The following TENM3 variants were observed in gnomAD, a reference collection of about 807,000 sequenced individuals.
The protein encoded by TENM3 is teneurin-3.
Under a neutral mutation model 255.1 loss-of-function variants are expected in TENM3, and 63 were observed. The observed-to-expected ratio is 0.25, with a 90% CI of 0.20 to 0.30. TENM3 has a LOEUF of 0.30. Ranked by LOEUF, TENM3 falls within the 10% of genes least tolerant of loss-of-function variation. The pLI is 1.00. For missense variants in TENM3, 2,929 were observed against 3,461.1 expected, an observed-to-expected ratio of 0.85 and a Z score of 3.86; for synonymous variants, 1,306 against 1,322.3, an observed-to-expected ratio of 0.99 and a Z score of 0.27.
chr4:182,683,116 G>T (rs1278339988), intron 11 of TENM3, among the ~76,000 whole-genome samples: 2 of 152,164 alleles, frequency 1.3e-5, no homozygotes, highest in Non-Finnish European at 2.9e-5. Context: ...TGTGAAATCA[G>T]ATGTGTGGAT....
intron 3 of TENM3, among the ~76,000 whole-genome samples, chr4:182,583,377 GTA>G (rs1553991677): frequency 7.3e-5 from 10 of 136,492 alleles, no homozygotes; most frequent in Non-Finnish European, 1.6e-4. Context: ...GTGTGTGTGT[GTA>G]TTTTAGGTAA....
chr4:182,023,931 T>C, the TENM3 span, among the ~76,000 whole-genome samples: 1 of 152,192 alleles, frequency 6.6e-6, no homozygotes, highest in Non-Finnish European at 1.5e-5. Context: ...GTTATATGGA[T>C]GTAAAATAAA....
At chr4:182,331,738 G>C (rs564454208) in intron 2 of TENM3, among the ~76,000 whole-genome samples, 2 of 152,244 alleles carry the variant, frequency 1.3e-5, no homozygotes, top group South Asian at 4.1e-4. Context: ...TGGAATTTAT[G>C]ATGAAAAACT....
the TENM3 span, among the ~76,000 whole-genome samples, chr4:181,660,143 C>G: frequency 6.6e-6 from 1 of 152,028 alleles, no homozygotes; most frequent in Non-Finnish European, 1.5e-5. Context: ...ATGAAACGTT[C>G]CTAATTCGCT....
At chr4:182,266,723 G>C (rs1195343857) in intron 1 of TENM3, among the ~76,000 whole-genome samples, 2 of 152,098 alleles carry the variant, frequency 1.3e-5, no homozygotes, top group African/African-American at 4.8e-5. Flanking sequence ...GCTTTATTTG[G>C]AGTCTATTTG....
the TENM3 span, among the ~76,000 whole-genome samples, chr4:181,813,863 T>C: frequency 6.6e-6 from 1 of 152,054 alleles, no homozygotes; most frequent in African/African-American, 2.4e-5. Context: ...AATATGTGTC[T>C]GAATAAGTGT....
chr4:181,786,455 G>A, the TENM3 span, among the ~76,000 whole-genome samples: 9 of 152,242 alleles, frequency 5.9e-5, 1 homozygote, highest in African/African-American at 1.9e-4. Flanking sequence ...GTGGACCCAC[G>A]AGGTGGGAGG....
chr4:182,708,528 G>A (rs572233971), intron 12 of TENM3, among the ~76,000 whole-genome samples: 1 of 152,314 alleles, frequency 6.6e-6, no homozygotes, highest in Non-Finnish European at 1.5e-5. Flanking sequence ...GGCGGGGCGT[G>A]GTGGCTCACG....
At chr4:182,447,297 A>G (rs2151291506) in intron 3 of TENM3, among the ~76,000 whole-genome samples, 1 of 151,414 alleles carries the variant, frequency 6.6e-6, no homozygotes, top group Non-Finnish European at 1.5e-5. Flanking sequence ...TAAGGTGTGG[A>G]GACTGCTTAA....
the TENM3 span, among the ~76,000 whole-genome samples, chr4:182,135,438 G>T: frequency 6.6e-5 from 10 of 152,146 alleles, no homozygotes; most frequent in East Asian, 5.8e-4. Context: ...CACAACTGTG[G>T]CCTAATGTAC....
chr4:182,136,180 A>G, the TENM3 span, among the ~76,000 whole-genome samples: 1 of 152,140 alleles, frequency 6.6e-6, no homozygotes, highest in Non-Finnish European at 1.5e-5. Flanking sequence ...TATTAATTGC[A>G]TTGAAATGTT....
chr4:182,169,712 G>T (rs927029499), intron 1 of TENM3, among the ~76,000 whole-genome samples: 1 of 152,014 alleles, frequency 6.6e-6, no homozygotes, highest in Non-Finnish European at 1.5e-5. Flanking sequence ...AACAGCAAAA[G>T]ACCTCTCCTG....
At chr4:182,422,211 G>GT (rs371149856) in intron 3 of TENM3, among the ~76,000 whole-genome samples, 4,419 of 151,210 alleles carry the variant, frequency 0.029, 206 homozygotes, top group African/African-American at 0.099. Flanking sequence ...TTTTTTCACT[G>GT]TTTTTTTTTA....
the TENM3 span, among the ~76,000 whole-genome samples, chr4:181,455,557 A>T: frequency 1.5e-4 from 23 of 152,094 alleles, no homozygotes; most frequent in Non-Finnish European, 7.4e-5. Flanking sequence ...TATTGAGTCC[A>T]ATAGGAAACC....
intron 3 of TENM3, among the ~76,000 whole-genome samples, chr4:182,560,600 C>A (rs1186598548): frequency 6.6e-6 from 1 of 152,114 alleles, no homozygotes; most frequent in African/African-American, 2.4e-5. Flanking sequence ...GTGGTCATGC[C>A]TGCTCTGTTC....
At chr4:182,180,845 T>TAAACAA in intron 1 of TENM3, among the ~76,000 whole-genome samples, 1 of 152,012 alleles carries the variant, frequency 6.6e-6, no homozygotes, top group African/African-American at 2.4e-5. Context: ...TAACTTTAAT[T>TAAACAA]TCTTTCATTA....
At chr4:182,156,406 A>G (rs1223059579) in intron 1 of TENM3, among the ~76,000 whole-genome samples, 1 of 152,080 alleles carries the variant, frequency 6.6e-6, no homozygotes, top group African/African-American at 2.4e-5. Context: ...GATTAGTTAC[A>G]TGGGCATGTT....
At chr4:182,470,137 GC>G (rs1277894565) in intron 3 of TENM3, among the ~76,000 whole-genome samples, 3 of 151,978 alleles carry the variant, frequency 2.0e-5, no homozygotes, top group African/African-American at 7.3e-5. Context: ...TTCGTAATGG[GC>G]CCCTAAAGTC....
the TENM3 span, chr4:181,906,374 G>A: frequency 2.4e-5 from 5 of 208,932 alleles, no homozygotes; most frequent in East Asian, 1.1e-4. Context: ...GAACTCTCCC[G>A]AAGGTTTCCA....
Sources: allele counts gnomAD v4.1 joint callset (sites outside exome capture counted in the v4.1 genomes callset), GRCh38; gene constraint gnomAD v4.1.1; transcripts MANE v1.5; gene names NCBI Gene and HGNC (gene_info 2026-07-23, HGNC 2026-07-21).